The following CNTNAP3B variants were observed in gnomAD, a reference collection of about 807,000 sequenced individuals.
CNTNAP3B encodes contactin associated protein family member 3B.
A neutral mutation model predicts 108.9 loss-of-function variants in CNTNAP3B; 25 were observed. The observed-to-expected ratio is 0.23, with a 90% CI of 0.17 to 0.32. CNTNAP3B has a LOEUF of 0.32. CNTNAP3B is among the 10% of genes least tolerant of loss of function. The pLI is 1.00. For synonymous variants in CNTNAP3B, 103 were observed against 473.4 expected, an observed-to-expected ratio of 0.22 and a Z score of 10.16; for missense variants, 252 against 1,210.4, an observed-to-expected ratio of 0.21 and a Z score of 11.75.
At chr9:42,107,437 A>G (rs1467578370) in intron 1 of CNTNAP3B, among the ~76,000 whole-genome samples, 11 of 107,256 alleles carry the variant, frequency 1.0e-4, no homozygotes, top group Non-Finnish European at 1.9e-4. Context: ...TGTAATAGAT[A>G]ATAGTTATTC....
intron 7 of CNTNAP3B, among the ~76,000 whole-genome samples, chr9:41,995,817 C>A (rs566218057): frequency 1.5e-5 from 2 of 137,734 alleles, no homozygotes; most frequent in South Asian, 2.3e-4. Context: ...AGGCAGATCA[C>A]CTGAGGTCAG....
intron 15 of CNTNAP3B, among the ~76,000 whole-genome samples, chr9:41,927,654 T>G (rs1313071305): frequency 6.6e-6 from 1 of 150,916 alleles, no homozygotes; most frequent in Non-Finnish European, 1.5e-5. Context: ...ACTATGGGAA[T>G]AATATAAAAA....
At chr9:42,121,271 C>CTT (rs1376364425) in intron 1 of CNTNAP3B, among the ~76,000 whole-genome samples, 1 of 138,988 alleles carries the variant, frequency 7.2e-6, no homozygotes, top group African/African-American at 2.9e-5. Flanking sequence ...ATGACACCCC[C>CTT]TTTTGGTGGA....
At chr9:42,117,825 T>C (rs1828354251) in intron 1 of CNTNAP3B, among the ~76,000 whole-genome samples, 1 of 137,300 alleles carries the variant, frequency 7.3e-6, no homozygotes, top group Non-Finnish European at 1.6e-5. Context: ...ATAGAAACAA[T>C]AAAAAATGAC....
chr9:41,966,817 A>T (rs1293571916), intron 10 of CNTNAP3B, among the ~76,000 whole-genome samples: 1 of 150,956 alleles, frequency 6.6e-6, no homozygotes, highest in Non-Finnish European at 1.5e-5. Flanking sequence ...AATACAAAAA[A>T]TTAGCCAGGT....
At chr9:41,978,744 AT>A (rs1262316661) in intron 9 of CNTNAP3B, among the ~76,000 whole-genome samples, 1 of 137,408 alleles carries the variant, frequency 7.3e-6, no homozygotes, top group Non-Finnish European at 1.6e-5. Context: ...GTGATACATA[AT>A]GATACTGTGT....
At chr9:41,933,270 T>C (rs1485337149) in intron 14 of CNTNAP3B, among the ~76,000 whole-genome samples, 1 of 152,300 alleles carries the variant, frequency 6.6e-6, no homozygotes, top group Admixed American at 6.5e-5. Context: ...AGCAGCACCC[T>C]GATTTCTAAT....
Position 42,076,864 on chromosome 9 carries a change from C to T in CNTNAP3B, c.390+5G>A. 6.5e-7 allele frequency: 1 copy of T among 1,540,594 alleles called. No homozygotes were observed. The highest frequency in any genetic ancestry group is 8.8e-7 in the Non-Finnish European group (1 of 1,138,838). The stretch of plus-strand genomic sequence containing the variant: ...AGGTAGCAATTATTGTTATTAGAAA[C>T]ATACCCAGATGCTTTCTTCTCGGCG... On this transcript the variant is annotated splice_donor_5th_base_variant and intron_variant, in intron 3 of 23. Transcript: ENST00000377561.
intron 14 of CNTNAP3B, among the ~76,000 whole-genome samples, chr9:41,935,679 T>C (rs1419521017): frequency 1.3e-5 from 2 of 152,268 alleles, no homozygotes; most frequent in African/African-American, 4.8e-5. Flanking sequence ...TCAGAATGCT[T>C]GTGGTCTTAC....
In CNTNAP3B at chr9:42,118,705, G is replaced by A. The variant is rs1481957012; in HGVS notation, c.85+10305C>T. Among the ~76,000 whole-genome samples the A allele has an allele frequency of 1.3e-4, 15 of 113,716 alleles. 6 individuals are homozygous for A. The highest frequency in any genetic ancestry group is 5.1e-4 in the African/African-American group (14 of 27,702). The allele number at this position is 113,716 out of a possible 152,430, so 74.6% of individuals were successfully genotyped here. ...ATCAGGCAGGAGAAGGAAATAAAGG[G>A]CATTCAATTAGGAAAAGAGGAAGTC... On this transcript the variant is annotated intron_variant, in intron 1 of 23. Transcript: ENST00000377561.
chr9:41,963,571 A>T (rs1490479641), intron 11 of CNTNAP3B, among the ~76,000 whole-genome samples: 7 of 151,256 alleles, frequency 4.6e-5, no homozygotes, highest in Non-Finnish European at 4.4e-5. Flanking sequence ...TTACACTTAA[A>T]TGTCTACCAG....
chr9:41,918,076 T>C (rs199548515), intron 18 of CNTNAP3B, among the ~76,000 whole-genome samples: 9,435 of 149,936 alleles, frequency 0.063, no homozygotes, highest in East Asian at 0.29. Context: ...TATGCCTGTT[T>C]CGTATGAGAG....
intron 9 of CNTNAP3B, among the ~76,000 whole-genome samples, chr9:41,981,821 G>A (rs1401355135): frequency 5.1e-5 from 3 of 58,622 alleles, no homozygotes; most frequent in South Asian, 5.6e-4. Context: ...GGGAGGGTGA[G>A]GTGGGAGGAT....
intron 1 of CNTNAP3B, among the ~76,000 whole-genome samples, chr9:42,108,205 G>C (rs1021924694): frequency 7.5e-6 from 1 of 134,168 alleles, no homozygotes; most frequent in Non-Finnish European, 1.6e-5. Context: ...TTGGAAATCT[G>C]GTTAAGATTC....
intron 1 of CNTNAP3B, among the ~76,000 whole-genome samples, chr9:42,124,948 T>A (rs1447544885): frequency 2.2e-5 from 3 of 137,644 alleles, no homozygotes; most frequent in Non-Finnish European, 4.6e-5. Context: ...TTATTCTGAG[T>A]TTTTCTATTG....
chr9:42,093,171 C>T (rs1827836535), intron 2 of CNTNAP3B, among the ~76,000 whole-genome samples: 1 of 95,156 alleles, frequency 1.1e-5, no homozygotes, highest in African/African-American at 3.9e-5. Flanking sequence ...TGGTGAAACC[C>T]CGTCTCTACT....
At chr9:42,077,701 G>A (rs1474258589) in intron 2 of CNTNAP3B, among the ~76,000 whole-genome samples, 1 of 121,368 alleles carries the variant, frequency 8.2e-6, no homozygotes, top group Non-Finnish European at 1.7e-5. Context: ...AGGTTCTGGT[G>A]CACTCTGCTC....
At chr9:42,078,904 T>C (rs1398430840) in intron 2 of CNTNAP3B, among the ~76,000 whole-genome samples, 9 of 151,700 alleles carry the variant, frequency 5.9e-5, no homozygotes, top group Non-Finnish European at 1.2e-4. Context: ...ACGTACCCAC[T>C]TCCATAATCA....
chr9:42,087,641 T>G lies in CNTNAP3B; in HGVS notation c.197-10579A>C, dbSNP rs1020411199. ...TAATATAGTTCACAGGTGTTGCCAT[T>G]CTTTAATTTTAGCCATCCTAGAGAA... On this transcript the variant is annotated intron_variant, in intron 2 of 23. Coordinates refer to ENST00000377561, the MANE Select transcript of CNTNAP3B (RefSeq NM_001201380.3). Among the ~76,000 whole-genome samples the G allele has an allele frequency of 4.9e-5, 7 of 142,764 alleles. 1 individual carries two copies. The highest frequency in any genetic ancestry group is 1.6e-4 in the African/African-American group (6 of 37,676). The allele number at this position is 142,764 out of a possible 152,430, so 93.7% of individuals were successfully genotyped here.
Sources: allele counts gnomAD v4.1 joint callset (sites outside exome capture counted in the v4.1 genomes callset), GRCh38; gene constraint gnomAD v4.1.1; transcripts MANE v1.5; gene names NCBI Gene and HGNC (gene_info 2026-07-23, HGNC 2026-07-21).